Variants in OAS2 observed in about 807,000 individuals in gnomAD.
The protein encoded by OAS2 is 2'-5'-oligoadenylate synthetase 2.
OAS2 carries 67 observed loss-of-function variants against 71.3 expected under a neutral mutation model. The ratio of observed to expected loss-of-function variants is 0.94; its 90% CI spans 0.77 to 1.15. The LOEUF is 1.15. Ranked by LOEUF, OAS2 falls within the 50% of genes most tolerant of loss-of-function variation. The pLI is 0.00. For synonymous variants in OAS2, 327 were observed against 321.8 expected (o/e 1.02, Z -0.17); for missense variants, 789 against 822.5 (o/e 0.96, Z 0.50).
intron 1 of OAS2, 102 bp from the exon 2 acceptor site, chr12:112,986,936 C>T: frequency 6.8e-7 from 1 of 1,467,566 alleles, no homozygotes; most frequent in Non-Finnish European, 9.2e-7. Context: ...AATGTTAAGA[C>T]CATTTTTGGC....
chr12:113,002,100 G>T (rs2044295594), intron 5 of OAS2, among the ~76,000 whole-genome samples: 1 of 152,096 alleles, frequency 6.6e-6, no homozygotes, highest in South Asian at 2.1e-4. Context: ...TCACTACCTA[G>T]GTGATGGGAT....
intron 2 of OAS2, among the ~76,000 whole-genome samples, chr12:112,992,967 G>T (rs2044204321): frequency 6.6e-6 from 1 of 152,148 alleles, no homozygotes; most frequent in Non-Finnish European, 1.5e-5. Context: ...TGCAAGGATG[G>T]TGTGAGAATG....
At chr12:112,995,829 G>T (rs2044228632) in intron 3 of OAS2, among the ~76,000 whole-genome samples, 1 of 152,008 alleles carries the variant, frequency 6.6e-6, no homozygotes, top group Admixed American at 6.6e-5. Context: ...ATGGTTGCAG[G>T]GTCTTGCTCT....
chr12:112,990,379 A>T (rs927696022), intron 2 of OAS2, among the ~76,000 whole-genome samples: 7 of 152,248 alleles, frequency 4.6e-5, no homozygotes, highest in Non-Finnish European at 1.0e-4. Context: ...CTTCCAGGTC[A>T]TAGATGGTTA....
intron 3 of OAS2, among the ~76,000 whole-genome samples, chr12:112,996,531 C>T (rs1006620737): frequency 6.6e-6 from 1 of 152,062 alleles, no homozygotes; most frequent in Non-Finnish European, 1.5e-5. Context: ...GATCTGCCCA[C>T]CCAGCGCAGC....
chr12:113,010,184 G>A lies in OAS2; in HGVS notation c.*929G>A. On this transcript the variant is annotated 3_prime_UTR_variant, in exon 10 of 10. Transcript: ENST00000392583. ...CCAACCCTGGGGGGAATGTAGGGAA[G>A]AGGTGGCCAAGCCAACCGTGGGGTT... The A allele has an allele frequency of 7.4e-7, 1 of 1,347,586 alleles. No homozygotes were observed. Among genetic ancestry groups the A allele is most frequent in the African/African-American group, 1.5e-5 (1 of 67,160 alleles). 83.5% of individuals were successfully genotyped at this position (1,347,586 alleles called of 1,614,324 possible).
At position 113,009,303 on chromosome 12, in the gene OAS2, ACTT is replaced by A; in HGVS notation, c.*51_*53del. ...CCCTGTAACAGGCTTGAATCAAAGA[ACTT>A]CTCCTACTGTAGCAACCTGAAATTA... On this transcript the variant is annotated 3_prime_UTR_variant, in exon 10 of 10. Coordinates refer to ENST00000392583, the MANE Select transcript of OAS2 (RefSeq NM_002535.3). 1 of 1,592,066 alleles carries A rather than the reference ACTT, an allele frequency of 6.3e-7. No individual in the cohort carries two copies. Among genetic ancestry groups the A allele is most frequent in the Non-Finnish European group, 8.5e-7 (1 of 1,170,006 alleles).
intron 2 of OAS2, among the ~76,000 whole-genome samples, chr12:112,989,817 G>C (rs985527143): frequency 1.3e-5 from 2 of 152,094 alleles, no homozygotes; most frequent in Non-Finnish European, 2.9e-5. Flanking sequence ...CAGATGACTG[G>C]GGGTGCTTAG....
intron 1 of OAS2, among the ~76,000 whole-genome samples, chr12:112,985,206 G>T (rs1297643547): frequency 6.6e-6 from 1 of 150,710 alleles, no homozygotes; most frequent in African/African-American, 2.4e-5. Flanking sequence ...TGTAAGACAT[G>T]GGACGTTTTC....
chr12:112,989,662 C>T (rs906049607), intron 2 of OAS2, among the ~76,000 whole-genome samples: 2 of 152,266 alleles, frequency 1.3e-5, no homozygotes, highest in Admixed American at 1.3e-4. Context: ...GTAAATGTTT[C>T]TTATCAGACA....
intron 2 of OAS2, among the ~76,000 whole-genome samples, chr12:112,989,443 A>G (rs985247357): frequency 1.2e-4 from 19 of 152,244 alleles, no homozygotes; most frequent in African/African-American, 4.6e-4. Context: ...GGTAAGATGT[A>G]CATTGGTTTG....
At chr12:113,004,878 G>C in intron 6 of OAS2, 56 bp from the exon 7 acceptor site, 2 of 1,580,364 alleles carry the variant, frequency 1.3e-6, no homozygotes. Flanking sequence ...GCCCACGGGG[G>C]CACGGGACTC....
intron 2 of OAS2, among the ~76,000 whole-genome samples, chr12:112,991,858 A>G (rs192950301): frequency 2.6e-5 from 4 of 152,310 alleles, no homozygotes; most frequent in African/African-American, 7.2e-5. Context: ...GACAGGTATC[A>G]TGAGTATCTT....
At chr12:112,994,160 G>A (rs2044215697) in intron 2 of OAS2, among the ~76,000 whole-genome samples, 1 of 152,076 alleles carries the variant, frequency 6.6e-6, no homozygotes, top group African/African-American at 2.4e-5. Flanking sequence ...TATTCCTCAT[G>A]ATTACCTCCT....
At chr12:113,002,819 A>G in intron 5 of OAS2, 113 bp from the exon 6 acceptor site, 1 of 852,946 alleles carries the variant, frequency 1.2e-6, no homozygotes, top group Non-Finnish European at 1.9e-6. Context: ...CCAGCCCACG[A>G]GCAGGAGGGC....
At chr12:112,983,941 A>T (rs1180002065) in intron 1 of OAS2, among the ~76,000 whole-genome samples, 1 of 152,266 alleles carries the variant, frequency 6.6e-6, no homozygotes. Flanking sequence ...CTGAATAAAT[A>T]ATCTGCAAAT....
chr12:112,988,437 C>A, intron 2 of OAS2: 1 of 312,600 alleles, frequency 3.2e-6, no homozygotes, highest in Non-Finnish European at 4.6e-6. Context: ...TATAGCTCAG[C>A]ATTGGCCTTA....
intron 8 of OAS2, among the ~76,000 whole-genome samples, chr12:113,007,258 T>C (rs1471916436): frequency 1.3e-5 from 2 of 152,120 alleles, no homozygotes; most frequent in African/African-American, 4.8e-5. Flanking sequence ...AAGACCAAAC[T>C]CTGTAGTTTT....
rs1389523332 is a variant in OAS2 at position 113,010,809 on chromosome 12, G to C, written c.*1554G>C. On this transcript the variant is annotated 3_prime_UTR_variant, in exon 10 of 10. Coordinates refer to ENST00000392583, the MANE Select transcript of OAS2 (RefSeq NM_002535.3). ...GAATCCTCTGTGTCTTCAAAGCAAA[G>C]CTCTTTACTTTCCCCTTGGTTCTCA... 1 of 177,132 alleles carries C rather than the reference G, an allele frequency of 5.6e-6. No individual in the cohort carries two copies. Among genetic ancestry groups the C allele is most frequent in the Non-Finnish European group, 1.2e-5 (1 of 84,434 alleles). The allele number at this position is 177,132 out of a possible 1,614,324, so 11.0% of individuals were successfully genotyped here. A position where few individuals can be genotyped will look rare whatever the true frequency, so the allele number is the denominator to read the frequency against.
Sources: allele counts gnomAD v4.1 joint callset (sites outside exome capture counted in the v4.1 genomes callset), GRCh38; gene constraint gnomAD v4.1.1; transcripts MANE v1.5; gene names NCBI Gene and HGNC (gene_info 2026-07-23, HGNC 2026-07-21).